BCL2: variants seen among roughly 807,000 people sequenced by gnomAD.
BCL2 encodes BCL2 apoptosis regulator, also known as apoptosis regulator Bcl-2.
In BCL2, 1 loss-of-function variant was observed where a neutral mutation model predicts 14.2. The observed-to-expected ratio is 0.07, with a 90% CI of 0.02 to 0.33. The LOEUF is 0.33. BCL2 is among the 10% of genes least tolerant of loss of function. The pLI, the probability that BCL2 is intolerant of heterozygous loss-of-function variation, is 0.99. For synonymous variants in BCL2, 151 were observed against 137.2 expected, an observed-to-expected ratio of 1.10 and a Z score of -0.70; for missense variants, 247 against 305.9, an observed-to-expected ratio of 0.81 and a Z score of 1.44.
intron 2 of BCL2, among the ~76,000 whole-genome samples, chr18:63,138,610 G>C (rs1914273137): frequency 6.6e-6 from 1 of 152,260 alleles, no homozygotes; most frequent in Non-Finnish European, 1.5e-5. Context: ...GGCGAAGGCT[G>C]CTCCCCAAAG....
chr18:63,132,061 T>A (rs1228890410), intron 2 of BCL2, among the ~76,000 whole-genome samples: 1 of 152,228 alleles, frequency 6.6e-6, no homozygotes, highest in Non-Finnish European at 1.5e-5. Context: ...TGAGATGAGC[T>A]AAACTAGCAG....
chr18:63,184,876 G>A lies in BCL2; in HGVS notation c.586-56117C>T, dbSNP rs116616589. Among the ~76,000 whole-genome samples the A allele has an allele frequency of 2.7e-3, 405 of 152,302 alleles. 2 individuals are homozygous for A. The highest frequency in any genetic ancestry group is 8.9e-3 in the African/African-American group (369 of 41,554). On this transcript the variant is annotated intron_variant, in intron 2 of 2. Transcript: ENST00000333681. ...CTACCCTTCTTCTTGAATGTAGACT[G>A]TAGACTCAGAAACGACCCTGAGTTT...
intron 2 of BCL2, among the ~76,000 whole-genome samples, chr18:63,198,155 TAG>T (rs924566822): frequency 1.3e-5 from 2 of 151,532 alleles, no homozygotes; most frequent in African/African-American, 4.9e-5. Context: ...CGCAAAGATG[TAG>T]AGACACACAC....
intron 2 of BCL2, among the ~76,000 whole-genome samples, chr18:63,283,171 C>T (rs997540143): frequency 6.6e-6 from 1 of 152,168 alleles, no homozygotes; most frequent in Non-Finnish European, 1.5e-5. Context: ...TTAGGAGCAG[C>T]AAACTACTTC....
chr18:63,131,644 C>T (rs1914072300), intron 2 of BCL2, among the ~76,000 whole-genome samples: 1 of 152,190 alleles, frequency 6.6e-6, no homozygotes, highest in South Asian at 2.1e-4. Context: ...AATAGCCCAG[C>T]CAAAAGACAC....
chr18:63,297,825 G>A lies in BCL2; in HGVS notation c.585+20257C>T, dbSNP rs573133412. ...GGCTGATGGGGTGAGCCATTCCTTC[G>A]CAAGCCACCTTTAACCTGCCTCTCT... On this transcript the variant is annotated intron_variant, in intron 2 of 2. Coordinates refer to ENST00000333681, the MANE Select transcript of BCL2 (RefSeq NM_000633.3). 8.5e-5 allele frequency among the ~76,000 whole-genome samples: 13 copies of A among 152,182 alleles called. No individual in the cohort carries two copies. The East Asian group carries it at 2.1e-3, about 25-fold the overall frequency.
At chr18:63,289,030 A>C (rs939341630) in intron 2 of BCL2, among the ~76,000 whole-genome samples, 30 of 152,230 alleles carry the variant, frequency 2.0e-4, no homozygotes, top group Non-Finnish European at 4.4e-5. Flanking sequence ...CAAGTAAAGT[A>C]AGAGATAGCA....
At chr18:63,180,061 A>G (rs1915448059) in intron 2 of BCL2, among the ~76,000 whole-genome samples, 1 of 152,208 alleles carries the variant, frequency 6.6e-6, no homozygotes, top group African/African-American at 2.4e-5. Context: ...CAATCTATCA[A>G]TTAAGCACTA....
At chr18:63,227,583 A>G (rs1910582746) in intron 2 of BCL2, among the ~76,000 whole-genome samples, 1 of 152,246 alleles carries the variant, frequency 6.6e-6, no homozygotes, top group South Asian at 2.1e-4. Flanking sequence ...ATTACAAATC[A>G]GTGGAAAACA....
At chr18:63,293,742 G>A (rs963582791) in intron 2 of BCL2, among the ~76,000 whole-genome samples, 10 of 152,182 alleles carry the variant, frequency 6.6e-5, no homozygotes, top group African/African-American at 9.6e-5. Context: ...AAGGAAAATG[G>A]GATCAAAGTA....
At chr18:63,207,545 A>T (rs980739219) in intron 2 of BCL2, 9 of 152,030 alleles carry the variant, frequency 5.9e-5, no homozygotes, top group African/African-American at 2.2e-4. Flanking sequence ...CCAGAGTCTG[A>T]TTGTTCCAGA....
chr18:63,212,835 T>C (rs189035660), intron 2 of BCL2, among the ~76,000 whole-genome samples: 1,622 of 151,700 alleles, frequency 0.011, 13 homozygotes, highest in Non-Finnish European at 0.017. Flanking sequence ...GAGATCACAC[T>C]GCTGCACTCC....
chr18:63,228,537 T>C (rs1910606942), intron 2 of BCL2, among the ~76,000 whole-genome samples: 1 of 152,190 alleles, frequency 6.6e-6, no homozygotes, highest in Non-Finnish European at 1.5e-5. Flanking sequence ...CCAAATAAAA[T>C]ATAAGATCTC....
chr18:63,150,959 A>T (rs752192701), intron 2 of BCL2, among the ~76,000 whole-genome samples: 1 of 152,090 alleles, frequency 6.6e-6, no homozygotes, highest in Non-Finnish European at 1.5e-5. Context: ...GCCTCCACCA[A>T]GAAGGAAAAT....
chr18:63,156,024 A>G (rs997056976), intron 2 of BCL2, among the ~76,000 whole-genome samples: 15 of 143,426 alleles, frequency 1.0e-4, no homozygotes, highest in African/African-American at 3.0e-4. Flanking sequence ...TTTCTCAAGT[A>G]AGACCAGAGA....
intron 2 of BCL2, among the ~76,000 whole-genome samples, chr18:63,216,082 A>C (rs1035808272): frequency 2.0e-5 from 3 of 152,036 alleles, no homozygotes; most frequent in Non-Finnish European, 4.4e-5. Flanking sequence ...CAACATATTA[A>C]CAATAGGGCT....
rs1275175517 is a variant in BCL2, at chr18:63,127,402, T to C, written c.*1223A>G. Reference sequence around the variant, plus strand: ...CCTCTGTTCCTTCCCTCTACAGTGATACATGTCTTAAGAAGGGTCGTGGCT... The same window carrying C: ...CCTCTGTTCCTTCCCTCTACAGTGACACATGTCTTAAGAAGGGTCGTGGCT... On this transcript the variant is annotated 3_prime_UTR_variant, in exon 3 of 3. Transcript: ENST00000333681. 6 of 236,108 alleles carry C rather than the reference T, an allele frequency of 2.5e-5. No individual in the cohort carries two copies. The highest frequency in any genetic ancestry group is 1.1e-4 in the Admixed American group (2 of 17,806). The allele number at this position is 236,108 out of a possible 1,614,324, so 14.6% of individuals were successfully genotyped here.
At chr18:63,160,800 C>T (rs1914901696) in intron 2 of BCL2, among the ~76,000 whole-genome samples, 1 of 152,034 alleles carries the variant, frequency 6.6e-6, no homozygotes, top group African/African-American at 2.4e-5. Context: ...CACATCGCTT[C>T]CTTTGGGGTG....
intron 2 of BCL2, among the ~76,000 whole-genome samples, chr18:63,181,516 G>A (rs1457855108): frequency 5.9e-5 from 9 of 152,168 alleles, no homozygotes; most frequent in African/African-American, 1.9e-4. Flanking sequence ...CAGTGAGCCC[G>A]GACCTCTGTG....
Sources: allele counts gnomAD v4.1 joint callset (sites outside exome capture counted in the v4.1 genomes callset), GRCh38; gene constraint gnomAD v4.1.1; transcripts MANE v1.5; gene names NCBI Gene and HGNC (gene_info 2026-07-23, HGNC 2026-07-21).